The following UGT1A9 variants were observed in gnomAD, a reference collection of about 807,000 sequenced individuals.
UGT1A9 encodes UDP glucuronosyltransferase family 1 member A9.
In UGT1A9, 35 loss-of-function variants were observed where a neutral mutation model predicts 45.0. The observed-to-expected ratio is 0.78, with a 90% CI of 0.59 to 1.03. UGT1A9 has a LOEUF of 1.03. UGT1A9 is among the 50% of genes least tolerant of loss of function. The probability of loss-of-function intolerance (pLI) is 0.00; values close to 1 mark genes in which losing one functional copy is unlikely to be tolerated. For missense variants in UGT1A9, 687 were observed against 666.6 expected (o/e 1.03, Z -0.34); for synonymous variants, 278 against 250.6 (o/e 1.11, Z -1.03).
rs369738416 is a variant in UGT1A9 at position 233,718,805 on chromosome 2, G to C, written c.855+46016G>C. Reference sequence around the variant, plus strand: ...AGCGTGGGGTGGACAGTCAGCTGTCGGTGGCTTCTGCTGAGATGGCCAGAG... The same window carrying C: ...AGCGTGGGGTGGACAGTCAGCTGTCCGTGGCTTCTGCTGAGATGGCCAGAG... On this transcript the variant is annotated intron_variant, in intron 1 of 4. Transcript: ENST00000354728. 47 of 1,613,298 alleles carry C rather than the reference G, an allele frequency of 2.9e-5. 1 individual carries two copies. Among genetic ancestry groups the C allele is most frequent in the African/African-American group, 1.3e-4 (10 of 75,040 alleles).
At chr2:233,745,676 C>T (rs28900379) in intron 1 of UGT1A9, among the ~76,000 whole-genome samples, 3,652 of 149,480 alleles carry the variant, frequency 0.024, 62 homozygotes, top group Non-Finnish European at 0.032. Flanking sequence ...AATTTGGGAA[C>T]ATCAAAGCAA....
intron 1 of UGT1A9, among the ~76,000 whole-genome samples, chr2:233,674,314 A>G (rs1464038618): frequency 6.6e-6 from 1 of 152,202 alleles, no homozygotes; most frequent in Non-Finnish European, 1.5e-5. Flanking sequence ...TCTTCACAAG[A>G]CTAGGCTAGG....
chr2:233,738,818 A>T (rs779696858), intron 1 of UGT1A9: 1 of 152,242 alleles, frequency 6.6e-6, no homozygotes. Context: ...AGAAATTTGA[A>T]TAAATAAGGA....
chr2:233,762,997 ATCATT>A (rs1212266483), intron 1 of UGT1A9, among the ~76,000 whole-genome samples: 2 of 152,206 alleles, frequency 1.3e-5, no homozygotes, highest in African/African-American at 4.8e-5. Context: ...GAAATTGATT[ATCATT>A]TCATTATTTT....
At chr2:233,714,147 C>T (rs548246419) in intron 1 of UGT1A9, among the ~76,000 whole-genome samples, 18 of 152,186 alleles carry the variant, frequency 1.2e-4, no homozygotes, top group Admixed American at 6.5e-5. Flanking sequence ...GCACCATCTT[C>T]ATGGCTGTGG....
chr2:233,696,261 A>G (rs1454905171), intron 1 of UGT1A9, among the ~76,000 whole-genome samples: 1 of 152,248 alleles, frequency 6.6e-6, no homozygotes, highest in Non-Finnish European at 1.5e-5. Flanking sequence ...ACATCAGTGA[A>G]TGAATGGATA....
Position 233,753,486 on chromosome 2 carries a change from C to T in UGT1A9, c.856-13548C>T, listed in dbSNP as rs1410623213. The T allele has an allele frequency of 2.0e-5, 3 of 152,196 alleles. No homozygotes were observed. The East Asian group carries it at 5.8e-4, about 29-fold the overall frequency. 9.4% of individuals were successfully genotyped at this position (152,196 alleles called of 1,614,324 possible). On this transcript the variant is annotated intron_variant, in intron 1 of 4. Coordinates refer to ENST00000354728, the MANE Select transcript of UGT1A9 (RefSeq NM_021027.3). ...TGTAAAAAATTACCAGCATGCTGCT[C>T]TTAATTTTTTTCAGCCTGTCTAGTT... is the stretch of plus-strand genomic sequence containing the variant.
intron 1 of UGT1A9, among the ~76,000 whole-genome samples, chr2:233,689,667 A>C (rs1575441653): frequency 6.6e-6 from 1 of 152,332 alleles, no homozygotes; most frequent in Admixed American, 6.5e-5. Context: ...TCCTCCAAGA[A>C]CAAAGAATGG....
chr2:233,755,562 G>A (rs185113714), intron 1 of UGT1A9: 366 of 159,838 alleles, frequency 2.3e-3, no homozygotes, highest in Non-Finnish European at 4.3e-3. Flanking sequence ...GGGAAAAAGA[G>A]GTTGGGGAAA....
chr2:233,758,786 G>T (rs1696976610), intron 1 of UGT1A9, among the ~76,000 whole-genome samples: 1 of 152,212 alleles, frequency 6.6e-6, no homozygotes, highest in Admixed American at 6.5e-5. Context: ...GATCTGTGCA[G>T]TTATCTTGGA....
At chr2:233,677,490 A>G (rs1322964042) in intron 1 of UGT1A9, among the ~76,000 whole-genome samples, 1 of 152,198 alleles carries the variant, frequency 6.6e-6, no homozygotes, top group Non-Finnish European at 1.5e-5. Flanking sequence ...CATAGTTTGT[A>G]TGTTATTAGT....
At position 233,672,592 on chromosome 2, in the gene UGT1A9, T is replaced by C. The variant is rs769480316; in HGVS notation, c.658T>C (p.Cys220Arg). Reference sequence around the variant, plus strand: ...CATGCACTTGGAGGAACATTTATTATGCCACCGTTTTTTCAAAAATGCCCT... The same window carrying C: ...CATGCACTTGGAGGAACATTTATTACGCCACCGTTTTTTCAAAAATGCCCT... Reference protein sequence around the residue: ...HIMHLEEHLLCHRFFKNALEI... With the variant: ...HIMHLEEHLLRHRFFKNALEI... Residue 220 changes from cysteine (C) to arginine (R), a missense_variant, in exon 1 of 5, where the codon TGC (cysteine) becomes CGC (arginine). By Grantham distance (180) the Cys-to-Arg change is radical (BLOSUM62 -3). Coordinates refer to ENST00000354728, the MANE Select transcript of UGT1A9 (RefSeq NM_021027.3). The C allele has an allele frequency of 6.2e-7, 1 of 1,613,960 alleles. No homozygotes were observed. Among genetic ancestry groups the C allele is most frequent in the Non-Finnish European group, 8.5e-7 (1 of 1,179,844 alleles).
intron 1 of UGT1A9, among the ~76,000 whole-genome samples, chr2:233,737,200 G>A (rs1173255293): frequency 1.3e-5 from 2 of 152,180 alleles, no homozygotes; most frequent in African/African-American, 4.8e-5. Context: ...GCTGAGCTGC[G>A]GTGGACTCTG....
At chr2:233,762,567 G>A (rs1279617671) in intron 1 of UGT1A9, among the ~76,000 whole-genome samples, 2 of 152,176 alleles carry the variant, frequency 1.3e-5, no homozygotes, top group Non-Finnish European at 2.9e-5. Flanking sequence ...ATCTAGTCTA[G>A]TTCCCCACAG....
At chr2:233,748,134 A>G (rs747605529) in intron 1 of UGT1A9, 15 of 1,609,728 alleles carry the variant, frequency 9.3e-6, no homozygotes, top group Non-Finnish European at 1.3e-5. Flanking sequence ...GTTTTTAAAA[A>G]TTGTATTTAC....
chr2:233,693,387 G>A, intron 1 of UGT1A9: 1 of 1,614,130 alleles, frequency 6.2e-7, no homozygotes, highest in Non-Finnish European at 8.5e-7. Context: ...AACTGCCAGA[G>A]CCTCCTGCAG....
chr2:233,757,244 TG>T (rs1006811310), intron 1 of UGT1A9, among the ~76,000 whole-genome samples: 12 of 99,552 alleles, frequency 1.2e-4, no homozygotes, highest in African/African-American at 4.8e-4. Context: ...GGTGGTGAGG[TG>T]GGGTTATTCA....
At chr2:233,754,914 A>G (rs755182850) in intron 1 of UGT1A9, 33 of 1,353,478 alleles carry the variant, frequency 2.4e-5, no homozygotes, top group Non-Finnish European at 3.2e-5. Flanking sequence ...AATATTCTCC[A>G]GCGGGTTTCC....
At chr2:233,705,790 C>A (rs1416017084) in intron 1 of UGT1A9, among the ~76,000 whole-genome samples, 6 of 152,064 alleles carry the variant, frequency 3.9e-5, no homozygotes, top group African/African-American at 1.4e-4. Flanking sequence ...GCAAAATGCC[C>A]CTTGTTCAAA....
Sources: allele counts gnomAD v4.1 joint callset (sites outside exome capture counted in the v4.1 genomes callset), GRCh38; gene constraint gnomAD v4.1.1; transcripts MANE v1.5; gene names NCBI Gene and HGNC (gene_info 2026-07-23, HGNC 2026-07-21).